DCLK2: variants seen among roughly 807,000 people sequenced by gnomAD.
The protein encoded by DCLK2 is serine/threonine-protein kinase DCLK2.
A neutral mutation model predicts 78.4 loss-of-function variants in DCLK2; 31 were observed. The observed-to-expected ratio is 0.40, with a 90% confidence interval of 0.30 to 0.53. DCLK2 has a LOEUF of 0.53. DCLK2 is among the 20% of genes least tolerant of loss of function. The probability of loss-of-function intolerance (pLI) is 0.61; values close to 1 mark genes in which losing one functional copy is unlikely to be tolerated. For synonymous variants in DCLK2, 407 were observed against 374.9 expected (o/e 1.09, Z -0.99); for missense variants, 872 against 973.7 (o/e 0.90, Z 1.39).
At chr4:150,107,729 A>G (rs1180976178) in intron 2 of DCLK2, among the ~76,000 whole-genome samples, 1 of 152,102 alleles carries the variant, frequency 6.6e-6, no homozygotes, top group Non-Finnish European at 1.5e-5. Flanking sequence ...TCATTGTGTG[A>G]GGCTGAGATA....
intron 5 of DCLK2, among the ~76,000 whole-genome samples, chr4:150,204,991 A>G (rs138695782): frequency 1.1e-4 from 16 of 152,276 alleles, no homozygotes; most frequent in Admixed American, 7.2e-4. Flanking sequence ...ATGTATGTGT[A>G]TACATAAATT....
intron 3 of DCLK2, among the ~76,000 whole-genome samples, chr4:150,194,782 C>T (rs1197891842): frequency 1.3e-5 from 2 of 152,002 alleles, no homozygotes; most frequent in African/African-American, 4.8e-5. Flanking sequence ...TGTAGTGTTT[C>T]TGACAGTCCA....
intron 7 of DCLK2, among the ~76,000 whole-genome samples, chr4:150,223,780 C>T (rs1314277557): frequency 8.0e-6 from 1 of 124,950 alleles, no homozygotes; most frequent in Non-Finnish European, 1.7e-5. Flanking sequence ...TAAATAACAT[C>T]AAGATTCTTA....
chr4:150,130,715 G>A (rs1174222666), intron 2 of DCLK2, among the ~76,000 whole-genome samples: 1 of 151,994 alleles, frequency 6.6e-6, no homozygotes, highest in Non-Finnish European at 1.5e-5. Context: ...AAGACCACCG[G>A]CATAACCAGT....
intron 2 of DCLK2, among the ~76,000 whole-genome samples, chr4:150,109,322 T>A (rs999887350): frequency 6.6e-6 from 1 of 151,122 alleles, no homozygotes; most frequent in Non-Finnish European, 1.5e-5. Flanking sequence ...CTGTTCCCAA[T>A]GCATGCATTT....
chr4:150,191,744 T>G (rs942796024), intron 2 of DCLK2, among the ~76,000 whole-genome samples: 5 of 152,124 alleles, frequency 3.3e-5, no homozygotes, highest in African/African-American at 1.2e-4. Context: ...TGCAGTCAAC[T>G]TCTTGGCATT....
chr4:150,093,538 T>C (rs1414130493), intron 1 of DCLK2, among the ~76,000 whole-genome samples: 1 of 152,196 alleles, frequency 6.6e-6, no homozygotes, highest in Non-Finnish European at 1.5e-5. Context: ...TGTGCCACCA[T>C]ACCTGGCTAA....
At chr4:150,156,415 G>T (rs1040565900) in intron 2 of DCLK2, among the ~76,000 whole-genome samples, 2 of 152,056 alleles carry the variant, frequency 1.3e-5, no homozygotes, top group East Asian at 3.9e-4. Context: ...TTGAGGCTGA[G>T]GTGGGTGGCT....
chr4:150,216,571 G>A (rs1356143366), intron 5 of DCLK2, among the ~76,000 whole-genome samples: 4 of 152,112 alleles, frequency 2.6e-5, no homozygotes, highest in South Asian at 2.1e-4. Context: ...CCCGGGAGGC[G>A]GAGGTTGCAG....
intron 1 of DCLK2, among the ~76,000 whole-genome samples, chr4:150,079,792 C>T (rs2150125062): frequency 6.6e-6 from 1 of 152,326 alleles, no homozygotes; most frequent in South Asian, 2.1e-4. Context: ...GGGTAATCCC[C>T]TACTAATAAG....
intron 12 of DCLK2, 121 bp downstream of exon 12, chr4:150,240,597 C>A: frequency 4.3e-6 from 2 of 462,374 alleles, no homozygotes; most frequent in Admixed American, 4.5e-5. Flanking sequence ...TTAAAAATTA[C>A]ATAAAACGGG....
intron 5 of DCLK2, among the ~76,000 whole-genome samples, chr4:150,207,246 C>G (rs1384994358): frequency 3.3e-5 from 5 of 152,178 alleles, no homozygotes; most frequent in Non-Finnish European, 7.3e-5. Context: ...GACAGTCTCT[C>G]TAGCTGCCAG....
Position 150,192,206 on chromosome 4 carries a change from C to T in DCLK2, c.757-932C>T, listed in dbSNP as rs537059905. 6.6e-5 allele frequency among the ~76,000 whole-genome samples: 10 copies of T among 152,110 alleles called. No homozygotes were observed. The South Asian group carries it at 1.7e-3, about 25-fold the overall frequency. On this transcript the variant is annotated intron_variant, in intron 2 of 15. Transcript: ENST00000296550. Reference sequence around the variant, plus strand: ...AAAAAGAATGTGAAATTGGGCTGGGCATGGTGACTCACACCTGTAATCCCA... The same window carrying T: ...AAAAAGAATGTGAAATTGGGCTGGGTATGGTGACTCACACCTGTAATCCCA...
intron 7 of DCLK2, among the ~76,000 whole-genome samples, chr4:150,223,905 G>C (rs1339203815): frequency 6.6e-6 from 1 of 152,026 alleles, no homozygotes; most frequent in African/African-American, 2.4e-5. Context: ...AAAGTCAGGG[G>C]ACTTTTCACT....
intron 1 of DCLK2, among the ~76,000 whole-genome samples, chr4:150,084,577 A>G (rs1258574363): frequency 1.3e-5 from 2 of 152,236 alleles, no homozygotes; most frequent in Non-Finnish European, 2.9e-5. Flanking sequence ...TTAAAGAATA[A>G]ATCCTAAAAG....
chr4:150,176,518 G>C (rs1450354511), intron 2 of DCLK2, among the ~76,000 whole-genome samples: 3 of 152,168 alleles, frequency 2.0e-5, no homozygotes, highest in Non-Finnish European at 4.4e-5. Flanking sequence ...GGTGACTTCT[G>C]TTCATAATAA....
At chr4:150,208,261 AAAAT>A (rs1739997988) in intron 5 of DCLK2, among the ~76,000 whole-genome samples, 2 of 152,276 alleles carry the variant, frequency 1.3e-5, no homozygotes, top group African/African-American at 4.8e-5. Flanking sequence ...GTGGCCTAAC[AAAAT>A]AAGTTTTGGT....
At chr4:150,118,957 G>A (rs1011167549) in intron 2 of DCLK2, among the ~76,000 whole-genome samples, 20 of 152,038 alleles carry the variant, frequency 1.3e-4, no homozygotes, top group Admixed American at 3.3e-4. Flanking sequence ...CCCAAGAAGC[G>A]GAGGTTGCAG....
chr4:150,098,751 A>G (rs186563528), intron 1 of DCLK2, among the ~76,000 whole-genome samples: 103 of 144,536 alleles, frequency 7.1e-4, no homozygotes, highest in African/African-American at 2.5e-3. Flanking sequence ...GCTGGAGTGC[A>G]GTGGCACGGT....
Sources: gnomAD v4.1 joint callset for allele counts (sites outside exome capture counted in the v4.1 genomes callset) on GRCh38, gnomAD v4.1.1 for gene constraint, MANE v1.5 for transcripts, NCBI Gene and HGNC (gene_info 2026-07-23, HGNC 2026-07-21) for gene names.